VPS18: variants seen among roughly 807,000 people sequenced by gnomAD.
VPS18 encodes vacuolar protein sorting-associated protein 18 homolog.
In VPS18, 25 loss-of-function variants were observed where a neutral mutation model predicts 82.0. The ratio of observed to expected loss-of-function variants is 0.30; its 90% confidence interval spans 0.22 to 0.43. VPS18 has a LOEUF of 0.43. Among genes scored for constraint, VPS18 ranks in the 20% least tolerant of loss-of-function variants. The pLI is 1.00. For missense variants in VPS18, 1,168 were observed against 1,311.1 expected (o/e 0.89, Z 1.69); for synonymous variants, 523 against 543.0 (o/e 0.96, Z 0.51).
Position 40,900,266 on chromosome 15 carries a change from C to T in VPS18, c.1448C>T (p.Ala483Val), listed in dbSNP as rs748253848. Residue 483 changes from alanine (A) to valine (V), a missense_variant, in exon 4 of 5, where the codon GCC becomes GTC. This residue lies in a region of VPS18 where 868 missense variants were observed against 939.8 expected (regional missense o/e 0.92). Coordinates refer to ENST00000220509, the MANE Select transcript of VPS18 (RefSeq NM_020857.3). This position sits in a 1 kb window ranked among gnomAD's most constrained non-coding sequence, Gnocchi z 5.4. ...LQRKLASLKP[A>V]ERTQATLLTT... ...CGAAAACTGGCCAGTTTGAAGCCAG[C>T]CGAACGTACCCAGGCCACACTGCTG... The T allele has an allele frequency of 1.2e-6, 2 of 1,613,666 alleles. No homozygotes were observed. The highest frequency in any genetic ancestry group is 2.7e-5 in the African/African-American group (2 of 74,914).
In VPS18 at chr15:40,899,165, T is replaced by C. The variant is rs750267364; in HGVS notation, c.347T>C (p.Leu116Pro). Residue 116 changes from leucine to proline, a missense_variant, in exon 4 of 5, where the codon CTG becomes CCG. This residue lies in a region of VPS18 where 868 missense variants were observed against 939.8 expected (regional missense o/e 0.92). Coordinates refer to ENST00000220509, the MANE Select transcript of VPS18 (RefSeq NM_020857.3). The surrounding 1 kb of genome is among the most constrained non-coding windows in gnomAD (Gnocchi z 4.4). ...CCAGGCTCTCACCTGCTGATTGCCCTGAGCAGCACGGAGGTCCTCTACGTG... is the reference window on the plus strand; with the variant it reads ...CCAGGCTCTCACCTGCTGATTGCCCCGAGCAGCACGGAGGTCCTCTACGTG... ...DHTGSHLLIA[L>P]SSTEVLYVNR... The C allele has an allele frequency of 1.2e-6, 2 of 1,613,820 alleles. No homozygotes were observed. The highest frequency in any genetic ancestry group is 1.1e-5 in the South Asian group (1 of 91,070).
intron 2 of VPS18, 133 bp from the exon 3 acceptor site, chr15:40,898,774 T>C (rs1298164072): frequency 1.4e-5 from 14 of 979,676 alleles, no homozygotes; most frequent in Non-Finnish European, 2.2e-5. Flanking sequence ...ACCTGGCCTG[T>C]ATTCAGCATT....
intron 2 of VPS18, chr15:40,898,513 C>T (rs115304123): frequency 0.032 from 7,375 of 228,840 alleles, 238 homozygotes; most frequent in East Asian, 0.079. Context: ...ACTCTGTTGC[C>T]CAGGTTGGAA....
chr15:40,901,430 T>C (rs1892356735), intron 4 of VPS18, among the ~76,000 whole-genome samples: 1 of 150,802 alleles, frequency 6.6e-6, no homozygotes. Context: ...CTACTAAAAA[T>C]GTAAAAATTA....
In VPS18 at chr15:40,903,007, G is replaced by T. The variant is rs774241473; in HGVS notation, c.2588G>T (p.Arg863Leu). 2.5e-6 allele frequency: 4 copies of T among 1,614,254 alleles called. No homozygotes were observed. The highest frequency in any genetic ancestry group is 3.4e-6 in the Non-Finnish European group (4 of 1,180,050). ...CATCDFPLLNRPFYLFLCGHM... is the reference protein window; with the variant it reads ...CATCDFPLLNLPFYLFLCGHM... ...ACCTGCGACTTCCCCCTGCTCAACCGCCCTTTTTACCTCTTCCTCTGTGGC... is the reference window on the plus strand; with the variant it reads ...ACCTGCGACTTCCCCCTGCTCAACCTCCCTTTTTACCTCTTCCTCTGTGGC... Residue 863 changes from arginine to leucine, a missense_variant, in exon 5 of 5, where the codon CGC becomes CTC. Physicochemically the swap from Arg to Leu is moderately radical, Grantham distance 102 (BLOSUM62 -2). This residue lies in a region of VPS18 where 296 missense variants were observed against 354.0 expected (regional missense o/e 0.84). Transcript: ENST00000220509.
At chr15:40,894,994 C>T (rs967034154) in intron 1 of VPS18, 135 bp downstream of exon 1, 1 of 872,458 alleles carries the variant, frequency 1.1e-6, no homozygotes, top group African/African-American at 1.7e-5. Context: ...TGATTCTCCT[C>T]AGGCTCTCTT....
At chr15:40,896,366 C>G (rs1892229812) in intron 2 of VPS18, among the ~76,000 whole-genome samples, 1 of 151,996 alleles carries the variant, frequency 6.6e-6, no homozygotes, top group South Asian at 2.1e-4. Flanking sequence ...TAGTGAGACC[C>G]CCGTCTCTAC....
At chr15:40,901,326 G>T (rs1045185513) in intron 4 of VPS18, among the ~76,000 whole-genome samples, 2 of 152,206 alleles carry the variant, frequency 1.3e-5, no homozygotes, top group Admixed American at 6.5e-5. Flanking sequence ...GGCTGGGTGT[G>T]GTGGCTTGCG....
rs35029205 is a variant in VPS18 at position 40,902,116 on chromosome 15, C to CTTTTTTTTT, written c.2197-494_2197-486dup. On this transcript the variant is annotated intron_variant, in intron 4 of 4. Coordinates refer to ENST00000220509, the MANE Select transcript of VPS18 (RefSeq NM_020857.3). This position sits in a 1 kb window ranked among gnomAD's most constrained non-coding sequence, Gnocchi z 4.2. The stretch of plus-strand genomic sequence containing the variant: ...GATTTCTTTCTTTCTTTCTTTCTTT[C>CTTTTTTTTT]TTTTTTTTTTTTTTGAGACGGAGTC... Among the ~76,000 whole-genome samples the CTTTTTTTTT allele has an allele frequency of 8.0e-6, 1 of 124,254 alleles. No individual in the cohort carries two copies. The highest frequency in any genetic ancestry group is 7.8e-5 in the Admixed American group (1 of 12,872). 81.5% of individuals were successfully genotyped at this position (124,254 alleles called of 152,430 possible). A position where few individuals can be genotyped will look rare whatever the true frequency, so the allele number is the denominator to read the frequency against.
chr15:40,898,979 G>C lies in VPS18; in HGVS notation c.306G>C (p.Lys102Asn), dbSNP rs552588682. 6.2e-7 allele frequency: 1 copy of C among 1,614,164 alleles called. No homozygotes were observed. Among genetic ancestry groups the C allele is most frequent in the African/African-American group, 1.3e-5 (1 of 75,052 alleles). ...LGRKDDAKVH[K>N]MFLDHTGSHL... ...GTAAGGATGACGCAAAAGTTCACAA[G>C]ATGTTCCTTGACCATACTGGTAAGT... Residue 102 changes from lysine to asparagine, a missense_variant, in exon 3 of 5, where the codon AAG becomes AAC. Transcript: ENST00000220509.
At position 40,900,971 on chromosome 15, in the gene VPS18, A is replaced by G. The variant is rs1892347658; in HGVS notation, c.2153A>G (p.Lys718Arg). 6.2e-7 allele frequency: 1 copy of G among 1,610,424 alleles called. No homozygotes were observed. Among genetic ancestry groups the G allele is most frequent in the South Asian group, 1.1e-5 (1 of 91,072 alleles). ...CACCGCGCTTGTGTCCATGTCTACA[A>G]GGTCCTAGAGCTGTATGAGGAGGCC... is the stretch of plus-strand genomic sequence containing the variant. ...GHHRACVHVY[K>R]VLELYEEAVD... The change falls in exon 4 of 5, where the codon AAG becomes AGG. Residue 718 changes from lysine (K) to arginine (R), a missense_variant. Physicochemically the swap from Lys to Arg is conservative, Grantham distance 26. Transcript: ENST00000220509. The surrounding 1 kb of genome is among the most constrained non-coding windows in gnomAD (Gnocchi z 5.4).
rs139885901 is a variant in VPS18 at position 40,900,144 on chromosome 15, C to T, written c.1326C>T (p.Ser442=). The change falls in exon 4 of 5, where the codon AGC becomes AGT. Residue 442 remains serine (S), a synonymous_variant. Coordinates refer to ENST00000220509, the MANE Select transcript of VPS18 (RefSeq NM_020857.3). This position sits in a 1 kb window ranked among gnomAD's most constrained non-coding sequence, Gnocchi z 5.4. Reference sequence around the variant, plus strand: ...TTCGCCAGCGTCGCTACCTGGAGAGCGCACGCTGCTATGCCCTGACCCAGA... The same window carrying T: ...TTCGCCAGCGTCGCTACCTGGAGAGTGCACGCTGCTATGCCCTGACCCAGA... ...FCFRQRRYLE[S]ARCYALTQSY... The T allele has an allele frequency of 2.5e-4, 403 of 1,613,676 alleles. No homozygotes were observed. Among genetic ancestry groups the T allele is most frequent in the Non-Finnish European group, 3.1e-4 (371 of 1,180,030 alleles).
At chr15:40,897,056 G>C (rs1892241540) in intron 2 of VPS18, among the ~76,000 whole-genome samples, 1 of 152,176 alleles carries the variant, frequency 6.6e-6, no homozygotes, top group South Asian at 2.1e-4. Flanking sequence ...AGCACTTTGG[G>C]AGGCTGAGGC....
At position 40,899,968 on chromosome 15, in the gene VPS18, C is replaced by T. The variant is rs754471003; in HGVS notation, c.1150C>T (p.Arg384Trp). 1.1e-5 allele frequency: 18 copies of T among 1,613,832 alleles called. No individual in the cohort carries two copies. Among genetic ancestry groups the T allele is most frequent in the Middle Eastern group, 3.3e-4 (2 of 6,084 alleles). Residue 384 changes from arginine (R) to tryptophan (W), a missense_variant, in exon 4 of 5, where the codon CGG (arginine) becomes TGG (tryptophan). Arg to Trp is a moderately radical substitution (Grantham distance 101, BLOSUM62 -3). Transcript: ENST00000220509. This position sits in a 1 kb window ranked among gnomAD's most constrained non-coding sequence, Gnocchi z 4.4. ...STGQLWAYTE[R>W]AVFRYHVQRE... ...AGGCCAGCTGTGGGCCTACACTGAG[C>T]GGGCTGTCTTCCGCTACCACGTGCA...
chr15:40,902,993 C>A lies in VPS18; in HGVS notation c.2574C>A (p.Phe858Leu). 1 of 1,614,274 alleles carries A rather than the reference C, an allele frequency of 6.2e-7. No homozygotes were observed. Among genetic ancestry groups the A allele is most frequent in the Non-Finnish European group, 8.5e-7 (1 of 1,180,050 alleles). The stretch of plus-strand genomic sequence containing the variant: ...AGGACAAATGTGCCACCTGCGACTT[C>A]CCCCTGCTCAACCGCCCTTTTTACC... ...EPQDKCATCDFPLLNRPFYLF... is the reference protein window; with the variant it reads ...EPQDKCATCDLPLLNRPFYLF... The change falls in exon 5 of 5, where the codon TTC becomes TTA. Residue 858 changes from phenylalanine to leucine, a missense_variant. Transcript: ENST00000220509. This position sits in a 1 kb window ranked among gnomAD's most constrained non-coding sequence, Gnocchi z 4.2.
chr15:40,903,308 G>T lies in VPS18; in HGVS notation c.2889G>T (p.Gln963His). ...TCGACCGGCCGTTCATCGACCCCCA[G>T]CGCTACGAGGAGGAGCAGCTCAGTT... ...RSIDRPFIDPQRYEEEQLSWL is the reference protein window; with the variant it reads ...RSIDRPFIDPHRYEEEQLSWL Residue 963 changes from glutamine (Q) to histidine (H), a missense_variant, in exon 5 of 5, where the codon CAG becomes CAT. This residue lies in a region of VPS18 where 296 missense variants were observed against 354.0 expected (regional missense o/e 0.84). Transcript: ENST00000220509. The T allele has an allele frequency of 6.4e-7, 1 of 1,551,796 alleles. No individual in the cohort carries two copies. Among genetic ancestry groups the T allele is most frequent in the Non-Finnish European group, 8.7e-7 (1 of 1,148,996 alleles).
intron 2 of VPS18, among the ~76,000 whole-genome samples, chr15:40,898,176 A>G (rs185132348): frequency 6.7e-6 from 1 of 150,218 alleles, no homozygotes; most frequent in Non-Finnish European, 1.5e-5. Context: ...CCGTGGTCTC[A>G]ATCTCCTGAC....
In VPS18 at chr15:40,896,037, G is replaced by A. The variant is rs1327070202; in HGVS notation, c.191G>A (p.Ser64Asn). The A allele has an allele frequency of 1.9e-6, 3 of 1,614,082 alleles. No homozygotes were observed. The African/African-American group carries it at 4.0e-5, about 22-fold the overall frequency. Residue 64 changes from serine to asparagine, a missense_variant, in exon 2 of 5, where the codon AGC becomes AAC. Ser to Asn is a conservative substitution (Grantham distance 46, BLOSUM62 1). Transcript: ENST00000220509. ...CGCATTACCAGTCTTGTCGTCTCCA[G>A]CAATCAGCTGTGCATGAGCCTGGGC... ...SERITSLVVSSNQLCMSLGKD... is the reference protein window; with the variant it reads ...SERITSLVVSNNQLCMSLGKD...
intron 2 of VPS18, 26 bp from the exon 3 acceptor site, chr15:40,898,881 A>G (rs1242086478): frequency 6.2e-7 from 1 of 1,608,262 alleles, no homozygotes; most frequent in Non-Finnish European, 8.5e-7. Context: ...CCTTCTCTAA[A>G]GTGATGGTGA....
Sources: gnomAD v4.1 joint callset for allele counts (sites outside exome capture counted in the v4.1 genomes callset) on GRCh38, gnomAD v4.1.1 for gene constraint, gnomAD v4.1.1 regional missense constraint, Gnocchi (gnomAD v3.1) non-coding constraint, MANE v1.5 for transcripts, NCBI Gene and HGNC (gene_info 2026-07-23, HGNC 2026-07-21) for gene names.